Variants in PTPRM observed in about 807,000 individuals in gnomAD.
The protein encoded by PTPRM is protein tyrosine phosphatase receptor type M.
A neutral mutation model predicts 186.7 loss-of-function variants in PTPRM; 47 were observed. The observed-to-expected ratio is 0.25, with a 90% confidence interval of 0.20 to 0.32. PTPRM has a LOEUF of 0.32. Ranked by LOEUF, PTPRM falls within the 10% of genes least tolerant of loss-of-function variation. The probability of loss-of-function intolerance (pLI) is 1.00; values close to 1 mark genes in which losing one functional copy is unlikely to be tolerated. For missense variants in PTPRM, 1,494 were observed against 1,865.0 expected (o/e 0.80, Z 3.66); for synonymous variants, 668 against 674.9 (o/e 0.99, Z 0.16).
At chr18:7,896,724 G>A (rs555022491) in intron 3 of PTPRM, among the ~76,000 whole-genome samples, 438 of 152,278 alleles carry the variant, frequency 2.9e-3, no homozygotes, top group Middle Eastern at 6.8e-3. Flanking sequence ...TTCAGCTTGC[G>A]CCCTGCTTGG....
chr18:8,000,221 A>G (rs2083786760), intron 7 of PTPRM, among the ~76,000 whole-genome samples: 1 of 152,214 alleles, frequency 6.6e-6, no homozygotes, highest in African/African-American at 2.4e-5. Flanking sequence ...CACCTTGTCA[A>G]CCTGACACAT....
At chr18:7,693,172 T>G (rs1465568866) in intron 1 of PTPRM, among the ~76,000 whole-genome samples, 1 of 152,192 alleles carries the variant, frequency 6.6e-6, no homozygotes. Context: ...ATTTTATTCT[T>G]AAGTGAGGGA....
intron 27 of PTPRM, 107 bp from the exon 28 acceptor site, chr18:8,379,060 C>A: frequency 1.2e-6 from 1 of 865,884 alleles, no homozygotes; most frequent in Non-Finnish European, 1.7e-6. Context: ...GGGGAAGGGA[C>A]CGTCTTGCAG....
At chr18:7,996,254 C>T (rs532836447) in intron 7 of PTPRM, among the ~76,000 whole-genome samples, 11 of 151,212 alleles carry the variant, frequency 7.3e-5, no homozygotes, top group South Asian at 2.1e-4. Flanking sequence ...GTTCAACATA[C>T]GCAAATCGAT....
At chr18:7,667,378 T>G (rs2039119703) in intron 1 of PTPRM, among the ~76,000 whole-genome samples, 1 of 152,088 alleles carries the variant, frequency 6.6e-6, no homozygotes, top group Non-Finnish European at 1.5e-5. Context: ...CAGGTGCAAA[T>G]GAAGACAATT....
intron 5 of PTPRM, among the ~76,000 whole-genome samples, chr18:7,927,623 A>G (rs1053373786): frequency 8.5e-5 from 13 of 152,058 alleles, no homozygotes; most frequent in African/African-American, 3.1e-4. Context: ...TGCACGTGCC[A>G]TCTCTCCACC....
At chr18:7,712,928 C>T (rs2040243458) in intron 1 of PTPRM, among the ~76,000 whole-genome samples, 1 of 152,024 alleles carries the variant, frequency 6.6e-6, no homozygotes, top group African/African-American at 2.4e-5. Flanking sequence ...AGAATGGAAC[C>T]AAGTTGGAAA....
intron 7 of PTPRM, among the ~76,000 whole-genome samples, chr18:8,024,895 G>T (rs371260931): frequency 6.6e-6 from 1 of 151,816 alleles, no homozygotes; most frequent in Non-Finnish European, 1.5e-5. Context: ...TGTTGCCCAG[G>T]CTTGTCTGGA....
intron 2 of PTPRM, among the ~76,000 whole-genome samples, chr18:7,824,313 C>T (rs901894468): frequency 6.6e-6 from 1 of 152,170 alleles, no homozygotes; most frequent in Admixed American, 6.5e-5. Flanking sequence ...CGGGTGACAT[C>T]AGTCAGGAGA....
chr18:7,879,705 A>G (rs528283309), intron 2 of PTPRM, among the ~76,000 whole-genome samples: 47 of 152,322 alleles, frequency 3.1e-4, no homozygotes, highest in African/African-American at 1.1e-3. Context: ...TCTGAGGTAT[A>G]TGAGCTGTGC....
chr18:8,111,000 C>G (rs1017682711), intron 11 of PTPRM, among the ~76,000 whole-genome samples: 30 of 152,200 alleles, frequency 2.0e-4, no homozygotes, highest in African/African-American at 6.8e-4. Context: ...ACAGCCTGGT[C>G]TGATGATTAG....
At chr18:8,067,499 G>C (rs1031716568) in intron 7 of PTPRM, among the ~76,000 whole-genome samples, 7 of 152,130 alleles carry the variant, frequency 4.6e-5, no homozygotes, top group Admixed American at 3.9e-4. Context: ...TTCATCTTTG[G>C]TTCTTAGATT....
In PTPRM at chr18:7,891,098, G is replaced by A. The variant is rs368115528; in HGVS notation, c.468+2721G>A. Reference sequence around the variant, plus strand: ...TTAAGACCAGCCTGGGCAACATGGCGAAATCCAGTGTCTCCAAAAAAAAAA... The same window carrying A: ...TTAAGACCAGCCTGGGCAACATGGCAAAATCCAGTGTCTCCAAAAAAAAAA... On this transcript the variant is annotated intron_variant, in intron 3 of 32. Transcript: ENST00000580170. Among the ~76,000 whole-genome samples the A allele has an allele frequency of 3.8e-4, 54 of 143,824 alleles. No homozygotes were observed. The East Asian group carries it at 6.0e-3, about 16-fold the overall frequency. 94.4% of individuals were successfully genotyped at this position (143,824 alleles called of 152,430 possible). A position where few individuals can be genotyped will look rare whatever the true frequency, so the allele number is the denominator to read the frequency against.
intron 19 of PTPRM, among the ~76,000 whole-genome samples, chr18:8,282,922 A>G (rs922086208): frequency 1.3e-5 from 2 of 152,196 alleles, no homozygotes; most frequent in African/African-American, 4.8e-5. Context: ...TGAACTAATG[A>G]TATAGACAAC....
At chr18:7,951,334 T>C (rs945992384) in intron 6 of PTPRM, among the ~76,000 whole-genome samples, 1 of 152,216 alleles carries the variant, frequency 6.6e-6, no homozygotes, top group African/African-American at 2.4e-5. Flanking sequence ...CATTTGTTTT[T>C]GATTATTTTT....
At chr18:7,951,511 A>G (rs73381854) in intron 6 of PTPRM, among the ~76,000 whole-genome samples, 3,212 of 152,230 alleles carry the variant, frequency 0.021, 126 homozygotes, top group African/African-American at 0.074. Flanking sequence ...GAACAAACAT[A>G]AATAGAAAGA....
intron 14 of PTPRM, among the ~76,000 whole-genome samples, chr18:8,211,830 G>A (rs796518934): frequency 1.6e-4 from 25 of 152,236 alleles, no homozygotes; most frequent in African/African-American, 5.3e-4. Context: ...TTGTGGAAAC[G>A]AAGGGTGAAT....
intron 1 of PTPRM, among the ~76,000 whole-genome samples, chr18:7,673,065 A>C (rs988956173): frequency 5.3e-5 from 8 of 152,206 alleles, no homozygotes; most frequent in Non-Finnish European, 2.9e-5. Context: ...AATGCTGCTA[A>C]AGTTTTACAC....
intron 6 of PTPRM, among the ~76,000 whole-genome samples, chr18:7,952,698 A>T (rs1195609874): frequency 1.3e-5 from 2 of 149,676 alleles, no homozygotes; most frequent in Admixed American, 6.7e-5. Flanking sequence ...CAAAAAAAAA[A>T]AAAAAGAAAA....
Sources: allele counts gnomAD v4.1 joint callset (sites outside exome capture counted in the v4.1 genomes callset), GRCh38; gene constraint gnomAD v4.1.1; transcripts MANE v1.5; gene names NCBI Gene and HGNC (gene_info 2026-07-23, HGNC 2026-07-21).